CSNK2A2: variants seen among roughly 807,000 people sequenced by gnomAD.
The protein encoded by CSNK2A2 is casein kinase 2 alpha 2.
In CSNK2A2, 8 loss-of-function variants were observed where a neutral mutation model predicts 54.0. The ratio of observed to expected loss-of-function variants is 0.15; its 90% CI spans 0.09 to 0.27. The LOEUF is 0.27. Among genes scored for constraint, CSNK2A2 ranks in the 10% least tolerant of loss-of-function variants. The pLI is 1.00. For synonymous variants in CSNK2A2, 141 were observed against 153.9 expected (o/e 0.92, Z 0.62); for missense variants, 242 against 439.4 (o/e 0.55, Z 4.02).
intron 3 of CSNK2A2, 32 bp downstream of exon 3, chr16:58,186,723 C>T: frequency 6.6e-7 from 1 of 1,516,906 alleles, no homozygotes; most frequent in African/African-American, 1.4e-5. Flanking sequence ...CCCCGGTCTA[C>T]TAGTATACTC....
rs1961208066 is a variant in CSNK2A2, at chr16:58,158,295, TAA to T, written c.*74_*75del. ...CGGAACGTGATCTCTCTATACGCGT[TAA>T]GACGTTTGATTTGGTTCTTGTTCTG... On this transcript the variant is annotated 3_prime_UTR_variant, in exon 12 of 12. Transcript: ENST00000262506. 6.5e-6 allele frequency: 1 copy of T among 152,690 alleles called. No homozygotes were observed. Among genetic ancestry groups the T allele is most frequent in the African/African-American group, 2.4e-5 (1 of 41,460 alleles). The allele number at this position is 152,690 out of a possible 1,614,324, so 9.5% of individuals were successfully genotyped here. A position where few individuals can be genotyped will look rare whatever the true frequency, so the allele number is the denominator to read the frequency against.
At chr16:58,178,026 C>T (rs1056385210) in intron 4 of CSNK2A2, among the ~76,000 whole-genome samples, 3 of 152,120 alleles carry the variant, frequency 2.0e-5, no homozygotes, top group African/African-American at 4.8e-5. Flanking sequence ...ATAACATACA[C>T]GACATAATAT....
chr16:58,159,038 A>G (rs1011902444), intron 11 of CSNK2A2: 1 of 152,206 alleles, frequency 6.6e-6, no homozygotes, highest in Non-Finnish European at 1.5e-5. Context: ...ACACAAAATC[A>G]TTTCATGAAA....
intron 5 of CSNK2A2, among the ~76,000 whole-genome samples, chr16:58,172,910 G>A (rs1961779305): frequency 6.6e-6 from 1 of 152,206 alleles, no homozygotes; most frequent in African/African-American, 2.4e-5. Flanking sequence ...CACCTGGGAA[G>A]ACCTGCATTA....
intron 3 of CSNK2A2, among the ~76,000 whole-genome samples, chr16:58,184,548 C>T (rs796077757): frequency 1.3e-4 from 20 of 152,318 alleles, no homozygotes; most frequent in African/African-American, 4.8e-4. Flanking sequence ...CAAGGTTGGC[C>T]ACAGCTGATT....
chr16:58,163,858 C>CA (rs1961479519), intron 11 of CSNK2A2, 196 bp downstream of exon 11: 3 of 472,348 alleles, frequency 6.4e-6, no homozygotes, highest in Non-Finnish European at 1.1e-5. Flanking sequence ...GGTGCATCCC[C>CA]ATGCTGCCAC....
chr16:58,160,275 A>G (rs1224674437), intron 11 of CSNK2A2: 1 of 152,040 alleles, frequency 6.6e-6, no homozygotes, highest in Admixed American at 6.5e-5. Context: ...AAGGGTTTAT[A>G]TTGAAACGAC....
At chr16:58,173,147 C>T (rs1325658203) in intron 5 of CSNK2A2, among the ~76,000 whole-genome samples, 1 of 152,180 alleles carries the variant, frequency 6.6e-6, no homozygotes, top group Non-Finnish European at 1.5e-5. Context: ...AAATTTTATC[C>T]ACACCAATGC....
intron 2 of CSNK2A2, among the ~76,000 whole-genome samples, chr16:58,194,232 T>C (rs1056960043): frequency 6.6e-6 from 1 of 152,228 alleles, no homozygotes; most frequent in Non-Finnish European, 1.5e-5. Context: ...GAGGAGCTGG[T>C]AGTCTGTTAA....
intron 2 of CSNK2A2, among the ~76,000 whole-genome samples, chr16:58,189,946 A>C (rs1962286302): frequency 6.6e-6 from 1 of 152,176 alleles, no homozygotes; most frequent in South Asian, 2.1e-4. Flanking sequence ...ATCAGAGATA[A>C]AAAGTTAGGA....
chr16:58,168,468 A>G (rs1961633762), intron 6 of CSNK2A2, 142 bp downstream of exon 6: 6 of 611,896 alleles, frequency 9.8e-6, no homozygotes, highest in Non-Finnish European at 1.8e-5. Flanking sequence ...GAAATCAACA[A>G]TGGAGATGGG....
chr16:58,159,539 G>C (rs1363600453), intron 11 of CSNK2A2: 1 of 152,200 alleles, frequency 6.6e-6, no homozygotes, highest in African/African-American at 2.4e-5. Context: ...TACAAGTTAA[G>C]GTCCTCATAG....
chr16:58,167,072 T>A, intron 8 of CSNK2A2, 135 bp downstream of exon 8: 1 of 574,028 alleles, frequency 1.7e-6, no homozygotes. Context: ...TTCTGTGCGA[T>A]CTTTATCTTG....
chr16:58,191,411 G>C (rs550888257), intron 2 of CSNK2A2, among the ~76,000 whole-genome samples: 16 of 152,060 alleles, frequency 1.1e-4, no homozygotes, highest in Non-Finnish European at 1.8e-4. Flanking sequence ...GCCCAGGCTG[G>C]AGTGCAATGG....
At chr16:58,161,305 G>C (rs1367215180) in intron 11 of CSNK2A2, 1 of 152,176 alleles carries the variant, frequency 6.6e-6, no homozygotes, top group Non-Finnish European at 1.5e-5. Flanking sequence ...CTTGAACATA[G>C]GCAGTACCTG....
intron 2 of CSNK2A2, among the ~76,000 whole-genome samples, chr16:58,191,643 G>A (rs1273781914): frequency 6.6e-6 from 1 of 152,140 alleles, no homozygotes; most frequent in Non-Finnish European, 1.5e-5. Flanking sequence ...GATTACAGGC[G>A]TGAGGCACCG....
chr16:58,189,248 G>A (rs372229429), intron 2 of CSNK2A2, among the ~76,000 whole-genome samples: 33 of 152,260 alleles, frequency 2.2e-4, no homozygotes, highest in South Asian at 8.3e-4. Flanking sequence ...GAGCAACTGC[G>A]CCCGGCCAAA....
intron 2 of CSNK2A2, among the ~76,000 whole-genome samples, chr16:58,189,533 T>C (rs1167897532): frequency 6.6e-6 from 1 of 152,194 alleles, no homozygotes; most frequent in Non-Finnish European, 1.5e-5. Flanking sequence ...TCTCCGGTTA[T>C]TCAGCAACAG....
intron 5 of CSNK2A2, among the ~76,000 whole-genome samples, chr16:58,173,347 A>G (rs1370574930): frequency 6.6e-6 from 1 of 152,216 alleles, no homozygotes; most frequent in East Asian, 1.9e-4. Context: ...TTCATTTCAT[A>G]GAACTGTTCT....
Sources: allele counts gnomAD v4.1 joint callset (sites outside exome capture counted in the v4.1 genomes callset), GRCh38; gene constraint gnomAD v4.1.1; transcripts MANE v1.5; gene names NCBI Gene and HGNC (gene_info 2026-07-23, HGNC 2026-07-21).